EIF2D: variants seen among roughly 807,000 people sequenced by gnomAD.
The protein encoded by EIF2D is eukaryotic translation initiation factor 2D.
A neutral mutation model predicts 77.4 loss-of-function variants in EIF2D; 56 were observed. That is an observed-to-expected ratio of 0.72 (90% CI 0.58 to 0.90). EIF2D has a LOEUF of 0.90. EIF2D is among the 40% of genes least tolerant of loss of function. The pLI, the probability that EIF2D is intolerant of heterozygous loss-of-function variation, is 0.00. For missense variants in EIF2D, 574 were observed against 706.5 expected (o/e 0.81, Z 2.13); for synonymous variants, 230 against 271.0 (o/e 0.85, Z 1.49).
downstream of EIF2D, chr1:206,587,306 G>A (rs934131395): frequency 2.8e-5 from 10 of 355,548 alleles, no homozygotes; most frequent in South Asian, 1.2e-4. Flanking sequence ...CACACCAGCC[G>A]GCAAAGGAAG....
At chr1:206,585,040 T>A in intron 2 of EIF2D, 1 of 686,516 alleles carries the variant, frequency 1.5e-6, no homozygotes, top group Non-Finnish European at 2.6e-6. Flanking sequence ...TTCATTACTG[T>A]CATGTTCATT....
chr1:206,601,504 G>C (rs1553411273), intron 7 of EIF2D: 1 of 152,248 alleles, frequency 6.6e-6, no homozygotes. Flanking sequence ...CTGGGAGGCA[G>C]GGGTTGCAGT....
chr1:206,612,230 G>C, intron 1 of EIF2D, 57 bp downstream of exon 1: 1 of 1,604,476 alleles, frequency 6.2e-7, no homozygotes, highest in Non-Finnish European at 8.5e-7. Flanking sequence ...ATGGGCCAGC[G>C]GGGCCCAAGA....
At chr1:206,570,876 C>T (rs188805689), downstream of EIF2D, among the ~76,000 whole-genome samples, 16 of 152,236 alleles carry the variant, frequency 1.1e-4, no homozygotes, top group East Asian at 2.5e-3. Context: ...TGAATCGTGC[C>T]GCTGCAAACC....
intron 1 of EIF2D, 107 bp from the exon 2 acceptor site, chr1:206,611,481 G>A (rs1572419453): frequency 2.3e-6 from 2 of 877,194 alleles, no homozygotes; most frequent in Non-Finnish European, 1.7e-6. Context: ...GCCAAAGAAA[G>A]ATTGCCTGGT....
rs543476235 is a variant in EIF2D at position 206,603,021 on chromosome 1, G to T, written c.714C>A (p.Leu238=). The change falls in exon 6 of 15, where the codon CTC becomes CTA. Residue 238 remains leucine (L), a synonymous_variant. Transcript: ENST00000271764. ...EVHQAREDKS[L]SEAPEDTSTR... ...TGCTGGTGTCTTCTGGGGCTTCTGA[G>T]AGAGACTTGTCTTCACGTGCCTGGT... 66 of 1,614,010 alleles carry T rather than the reference G, an allele frequency of 4.1e-5. No individual in the cohort carries two copies. Among genetic ancestry groups the T allele is most frequent in the African/African-American group, 6.7e-5 (5 of 74,886 alleles).
chr1:206,607,062 A>G (rs1158148198), intron 4 of EIF2D, among the ~76,000 whole-genome samples: 2 of 152,232 alleles, frequency 1.3e-5, no homozygotes, highest in Non-Finnish European at 2.9e-5. Flanking sequence ...AATTGGAGGC[A>G]ACCTCAATGT....
intron 5 of EIF2D, among the ~76,000 whole-genome samples, chr1:206,604,354 GA>G (rs1450483251): frequency 6.6e-6 from 1 of 152,104 alleles, no homozygotes; most frequent in East Asian, 1.9e-4. Context: ...TGAGGTAGGA[GA>G]ATCACTTGAA....
At chr1:206,569,206 A>T (rs1291778307), downstream of EIF2D, among the ~76,000 whole-genome samples, 1 of 152,238 alleles carries the variant, frequency 6.6e-6, no homozygotes. Context: ...GAGCCTTCAG[A>T]ATGAAGACCC....
intron 2 of EIF2D, among the ~76,000 whole-genome samples, chr1:206,581,634 G>A (rs1668882048): frequency 2.6e-5 from 4 of 151,364 alleles, no homozygotes; most frequent in Admixed American, 2.6e-4. Flanking sequence ...GAGAGAGAGG[G>A]GGGAGAGAGA....
At chr1:206,590,070 T>C (rs926987131), downstream of EIF2D, among the ~76,000 whole-genome samples, 3 of 152,232 alleles carry the variant, frequency 2.0e-5, no homozygotes, top group African/African-American at 7.2e-5. Flanking sequence ...ACGTTTGACA[T>C]TGATACAGAT....
chr1:206,598,461 T>C (rs928573827), intron 11 of EIF2D, among the ~76,000 whole-genome samples: 1 of 152,218 alleles, frequency 6.6e-6, no homozygotes, highest in Non-Finnish European at 1.5e-5. Context: ...ATAAGTTTAG[T>C]CTTTGAGAGC....
In EIF2D at chr1:206,578,412, G is replaced by A. The variant is rs534660588; in HGVS notation, c.*254+2280C>T. 2.6e-5 allele frequency among the ~76,000 whole-genome samples: 4 copies of A among 152,234 alleles called. No homozygotes were observed. In the East Asian group the frequency reaches 7.7e-4, roughly 29 times the overall value. The stretch of plus-strand genomic sequence containing the variant: ...CACATTTGCTGTGATGATGAAATGA[G>A]CTAATACATGCTAAGTGAGTAGAAT... On this transcript the variant is annotated intron_variant and NMD_transcript_variant, in intron 4 of 5. Coordinates refer to the EIF2D transcript ENST00000472709.
intron 7 of EIF2D, chr1:206,601,928 C>T (rs1234524516): frequency 5.7e-6 from 1 of 174,270 alleles, no homozygotes; most frequent in African/African-American, 2.4e-5. Context: ...TGTGGCCCCC[C>T]ACATACTTTT....
chr1:206,570,324 C>A (rs1668408552), downstream of EIF2D, among the ~76,000 whole-genome samples: 1 of 151,928 alleles, frequency 6.6e-6, no homozygotes, highest in Non-Finnish European at 1.5e-5. Flanking sequence ...AGACTCTGGG[C>A]CTCAAGAGAT....
chr1:206,602,147 G>C lies in EIF2D; in HGVS notation c.902+189C>G. 3 of 534,642 alleles carry C rather than the reference G, an allele frequency of 5.6e-6. No homozygotes were observed. The African/African-American group carries it at 5.8e-5, about 10-fold the overall frequency. The allele number at this position is 534,642 out of a possible 1,614,324, so 33.1% of individuals were successfully genotyped here. ...TAAAATTTAAGATTTTGTTTTAACA[G>C]CCCAGCAAGCTAAGAATTAACTTTT... On this transcript the variant is annotated intron_variant, in intron 7 of 14. Transcript: ENST00000271764.
chr1:206,596,066 G>C (rs1553409977), intron 12 of EIF2D, among the ~76,000 whole-genome samples: 1 of 152,182 alleles, frequency 6.6e-6, no homozygotes, highest in Non-Finnish European at 1.5e-5. Flanking sequence ...GGCCAAGGTA[G>C]ACACCCACTG....
rs1553409881 is a variant in EIF2D at position 206,595,700 on chromosome 1, G to A, written c.1509+18C>T. 6.2e-7 allele frequency: 1 copy of A among 1,612,038 alleles called. No homozygotes were observed. Among genetic ancestry groups the A allele is most frequent in the South Asian group, 1.1e-5 (1 of 90,970 alleles). On this transcript the variant is annotated intron_variant, in intron 13 of 14. Coordinates refer to ENST00000271764, the MANE Select transcript of EIF2D (RefSeq NM_006893.3). ...CATTAAATCACTATCCTTGAACATT[G>A]TGTCTTTCTAAAATTACCTTTTTAT...
At chr1:206,609,284 A>G in intron 3 of EIF2D, 92 bp downstream of exon 3, 3 of 1,321,258 alleles carry the variant, frequency 2.3e-6, no homozygotes, top group Non-Finnish European at 3.2e-6. Context: ...TTTCAACCAC[A>G]AAAACACAGG....
Sources: allele counts gnomAD v4.1 joint callset (sites outside exome capture counted in the v4.1 genomes callset), GRCh38; gene constraint gnomAD v4.1.1; transcripts MANE v1.5; gene names NCBI Gene and HGNC (gene_info 2026-07-23, HGNC 2026-07-21).